The following UBE2D3 variants were observed in gnomAD, a reference collection of about 807,000 sequenced individuals.
The protein encoded by UBE2D3 is ubiquitin-conjugating enzyme E2 D3.
Under a neutral mutation model 22.8 loss-of-function variants are expected in UBE2D3, and 2 were observed. That is an observed-to-expected ratio of 0.09 (90% CI 0.04 to 0.28). The LOEUF (loss-of-function observed/expected upper bound fraction) is 0.28, where lower values mean the gene tolerates loss of function less well. Among genes scored for constraint, UBE2D3 ranks in the 10% least tolerant of loss-of-function variants. The pLI is 1.00. For synonymous variants in UBE2D3, 56 were observed against 60.4 expected, an observed-to-expected ratio of 0.93 and a Z score of 0.34; for missense variants, 27 against 182.5, an observed-to-expected ratio of 0.15 and a Z score of 4.91.
rs1578210128 is a variant in UBE2D3, at chr4:102,795,706, G to T, written c.*1709C>A. On this transcript the variant is annotated 3_prime_UTR_variant, in exon 8 of 8. Coordinates refer to ENST00000453744, the MANE Select transcript of UBE2D3 (RefSeq NM_181891.3). ...CTACATATTAAAATGTTTATAAAAA[G>T]TAAGTTTTAACATTTATTTCTAGCT... 1 of 152,048 alleles carries T rather than the reference G, an allele frequency of 6.6e-6. No individual in the cohort carries two copies. The highest frequency in any genetic ancestry group is 1.5e-5 in the Non-Finnish European group (1 of 67,936). 9.4% of individuals were successfully genotyped at this position (152,048 alleles called of 1,614,324 possible). A position where few individuals can be genotyped will look rare whatever the true frequency, so the allele number is the denominator to read the frequency against.
chr4:102,867,950 T>G (rs1284265980), intron 1 of UBE2D3, among the ~76,000 whole-genome samples: 1 of 152,192 alleles, frequency 6.6e-6, no homozygotes, highest in Non-Finnish European at 1.5e-5. Flanking sequence ...GTTAGTGTAT[T>G]TATGTGTGGC....
chr4:102,852,487 T>C lies in UBE2D3; in HGVS notation c.-129+16228A>G, dbSNP rs146086492. Among the ~76,000 whole-genome samples, 177 of 152,340 alleles carry C rather than the reference T, an allele frequency of 1.2e-3. 2 individuals carry two copies. The highest frequency in any genetic ancestry group is 0.011 in the Admixed American group (168 of 15,298). On this transcript the variant is annotated intron_variant, in intron 1 of 7. Coordinates refer to the UBE2D3 transcript ENST00000338145. ...ACACACAAATATGTAAACATCTCTA[T>C]AGGTATTGGTGTATTTTGTTTTACA...
chr4:102,863,973 C>CTGTGATCTACTGTGAAAA, intron 1 of UBE2D3, among the ~76,000 whole-genome samples: 1 of 151,570 alleles, frequency 6.6e-6, no homozygotes, highest in Non-Finnish European at 1.5e-5. Context: ...AGATCTAGAC[C>CTGTGATCTACTGTGAAAA]AACCACTGTG....
intron 6 of UBE2D3, 150 bp from the exon 7 acceptor site, chr4:102,799,650 T>C (rs1725812295): frequency 1.7e-6 from 1 of 594,104 alleles, no homozygotes. Flanking sequence ...AGAGATTTTG[T>C]TTCACAGAAG....
intron 1 of UBE2D3, chr4:102,843,195 G>A (rs574127874): frequency 2.0e-5 from 3 of 152,174 alleles, no homozygotes; most frequent in Admixed American, 6.5e-5. Context: ...TAATGTAGGA[G>A]AGATGTTATA....
chr4:102,806,672 T>C (rs1727096495), intron 4 of UBE2D3, among the ~76,000 whole-genome samples: 1 of 152,196 alleles, frequency 6.6e-6, no homozygotes, highest in East Asian at 1.9e-4. Context: ...ATCTCTGTCA[T>C]AGATTAGGTG....
At chr4:102,862,336 C>A (rs1018561461) in intron 1 of UBE2D3, among the ~76,000 whole-genome samples, 1 of 151,878 alleles carries the variant, frequency 6.6e-6, no homozygotes, top group East Asian at 1.9e-4. Context: ...AATAATAATT[C>A]TTTTTTTAAA....
At chr4:102,825,350 A>G in intron 2 of UBE2D3, 1 of 1,009,820 alleles carries the variant, frequency 9.9e-7, no homozygotes, top group Non-Finnish European at 1.2e-6. Context: ...CACATCACAC[A>G]AATACAAGTC....
chr4:102,841,861 T>G (rs1020256781), intron 1 of UBE2D3, among the ~76,000 whole-genome samples: 2 of 152,192 alleles, frequency 1.3e-5, no homozygotes, highest in East Asian at 1.9e-4. Flanking sequence ...TACTATAAAT[T>G]CATAGTGGGC....
intron 7 of UBE2D3, 71 bp downstream of exon 7, chr4:102,799,335 CT>C: frequency 8.5e-7 from 1 of 1,181,240 alleles, no homozygotes; most frequent in African/African-American, 1.5e-5. Context: ...CTTCTTGGCA[CT>C]GTCACAAGCA....
chr4:102,861,253 A>T (rs1315177123), intron 1 of UBE2D3, among the ~76,000 whole-genome samples: 2 of 151,778 alleles, frequency 1.3e-5, no homozygotes, highest in African/African-American at 2.4e-5. Context: ...CAATGTGTCT[A>T]TTCTTGAGTT....
chr4:102,852,229 G>C (rs1732395164), intron 1 of UBE2D3, among the ~76,000 whole-genome samples: 1 of 152,202 alleles, frequency 6.6e-6, no homozygotes, highest in South Asian at 2.1e-4. Context: ...GAGTAGATCA[G>C]ATTAAAAAGC....
chr4:102,816,761 T>C (rs1189392540), intron 2 of UBE2D3, among the ~76,000 whole-genome samples: 1 of 152,182 alleles, frequency 6.6e-6, no homozygotes, highest in Non-Finnish European at 1.5e-5. Context: ...TTAAATCCAT[T>C]TCTAAAATGA....
intron 2 of UBE2D3, among the ~76,000 whole-genome samples, chr4:102,815,705 T>C (rs1413447066): frequency 2.0e-5 from 3 of 152,190 alleles, no homozygotes; most frequent in Non-Finnish European, 4.4e-5. Context: ...GTTACTCTCC[T>C]AACATTTCTA....
chr4:102,815,528 G>A (rs541079889), intron 2 of UBE2D3, among the ~76,000 whole-genome samples: 24 of 152,152 alleles, frequency 1.6e-4, no homozygotes, highest in African/African-American at 5.5e-4. Context: ...CAATTACAAA[G>A]AAAGTAAGAA....
At chr4:102,854,254 A>C (rs1293630071) in intron 1 of UBE2D3, among the ~76,000 whole-genome samples, 8 of 152,038 alleles carry the variant, frequency 5.3e-5, no homozygotes, top group Non-Finnish European at 1.0e-4. Context: ...TTATTTTTAT[A>C]TTGACAAATG....
chr4:102,809,921 A>T, intron 2 of UBE2D3, 66 bp from the exon 3 acceptor site: 1 of 1,478,094 alleles, frequency 6.8e-7, no homozygotes, highest in South Asian at 1.2e-5. Flanking sequence ...AAATGAGTCC[A>T]CTGCTTTCAG....
chr4:102,806,746 G>A (rs931913008), intron 4 of UBE2D3, among the ~76,000 whole-genome samples: 4 of 151,978 alleles, frequency 2.6e-5, no homozygotes, highest in African/African-American at 9.7e-5. Context: ...ATTTAAGCAA[G>A]TAAATATCAG....
rs1560840835 is a variant in UBE2D3 at position 102,799,411 on chromosome 4, CTCTG to C, written c.390_393del (p.Asp130GlufsTer25). On this transcript the variant is annotated frameshift_variant, in exon 7 of 8. Transcript: ENST00000453744. LOFTEE classifies it high-confidence loss of function. Reference sequence around the variant, plus strand: ...ATAACTTTTTAACATACTTACTTATCTCTGTCTGTTTTATAGATCCGTGCAATCT... The same window carrying C: ...ATAACTTTTTAACATACTTACTTATCTCTGTTTTATAGATCCGTGCAATCT... The C allele has an allele frequency of 6.2e-7, 1 of 1,610,776 alleles. No individual in the cohort carries two copies. Among genetic ancestry groups the C allele is most frequent in the Non-Finnish European group, 8.5e-7 (1 of 1,177,820 alleles).
Sources: allele counts gnomAD v4.1 joint callset (sites outside exome capture counted in the v4.1 genomes callset), GRCh38; gene constraint gnomAD v4.1.1; transcripts MANE v1.5; gene names NCBI Gene and HGNC (gene_info 2026-07-23, HGNC 2026-07-21).